The following TRIO variants were observed in gnomAD, a reference collection of about 807,000 sequenced individuals.
The protein encoded by TRIO is triple functional domain protein.
A neutral mutation model predicts 351.9 loss-of-function variants in TRIO; 58 were observed. The observed-to-expected ratio is 0.16, with a 90% confidence interval of 0.13 to 0.21. The LOEUF (loss-of-function observed/expected upper bound fraction) is 0.21, where lower values mean the gene tolerates loss of function less well. Ranked by LOEUF, TRIO falls within the 10% of genes least tolerant of loss-of-function variation. The pLI is 1.00. For synonymous variants in TRIO, 1,758 were observed against 1,595.7 expected (o/e 1.10, Z -2.42); for missense variants, 3,201 against 4,027.8 (o/e 0.79, Z 5.56).
At chr5:14,268,416 T>G (rs551166265) in intron 1 of TRIO, among the ~76,000 whole-genome samples, 54 of 152,312 alleles carry the variant, frequency 3.5e-4, no homozygotes, top group Non-Finnish European at 6.8e-4. Context: ...ATATCAGCAT[T>G]GGGATCAGGA....
chr5:14,346,082 A>G (rs916113250), intron 11 of TRIO, among the ~76,000 whole-genome samples: 2 of 152,378 alleles, frequency 1.3e-5, no homozygotes, highest in East Asian at 1.9e-4. Flanking sequence ...GAGTTTTGCC[A>G]GGACAGCTTA....
At chr5:14,330,618 T>A (rs895208636) in intron 9 of TRIO, among the ~76,000 whole-genome samples, 160 bp from the exon 10 acceptor site, 2 of 152,052 alleles carry the variant, frequency 1.3e-5, no homozygotes, top group Admixed American at 1.3e-4. Context: ...ATCGAGTGTG[T>A]TAAATTAGTA....
At chr5:14,396,467 T>C (rs1166175082) in intron 28 of TRIO, among the ~76,000 whole-genome samples, 2 of 90,942 alleles carry the variant, frequency 2.2e-5, no homozygotes, top group African/African-American at 9.0e-5. Context: ...TTTTTTTTTT[T>C]TTTTTTTTTT....
chr5:14,398,419 T>C (rs926284522), intron 29 of TRIO, among the ~76,000 whole-genome samples: 1 of 152,168 alleles, frequency 6.6e-6, no homozygotes, highest in Non-Finnish European at 1.5e-5. Flanking sequence ...AGCCTGGACC[T>C]GAGCAGAGTG....
intron 34 of TRIO, among the ~76,000 whole-genome samples, chr5:14,422,058 C>T (rs893550981): frequency 1.3e-5 from 2 of 152,190 alleles, no homozygotes; most frequent in African/African-American, 4.8e-5. Flanking sequence ...TGCCTCTGCC[C>T]GTCCACTCTC....
chr5:14,211,757 A>G (rs1791915237), intron 1 of TRIO, among the ~76,000 whole-genome samples: 1 of 152,072 alleles, frequency 6.6e-6, no homozygotes, highest in African/African-American at 2.4e-5. Flanking sequence ...ATCAAATAGT[A>G]CTATGAAGAG....
rs976162273 is a variant in TRIO, at chr5:14,286,600, C to T, written c.348-271C>T. On this transcript the variant is annotated intron_variant, in intron 3 of 56. Coordinates refer to ENST00000344204, the MANE Select transcript of TRIO (RefSeq NM_007118.4). This position sits in a 1 kb window ranked among gnomAD's most constrained non-coding sequence, Gnocchi z 4.4. ...AATGGGCATGGTGACCGTTGTTTTC[C>T]TGAAAAGAAGACGGGATGCAAAACC... Among the ~76,000 whole-genome samples the T allele has an allele frequency of 3.3e-5, 5 of 152,140 alleles. No homozygotes were observed. The highest frequency in any genetic ancestry group is 7.4e-5 in the Non-Finnish European group (5 of 68,022).
intron 34 of TRIO, among the ~76,000 whole-genome samples, chr5:14,446,421 G>C (rs1752444989): frequency 6.6e-6 from 1 of 152,124 alleles, no homozygotes; most frequent in South Asian, 2.1e-4. Flanking sequence ...AAAAAAGTGG[G>C]AGACAGCTCT....
At chr5:14,323,527 G>GAA (rs1740086689) in intron 9 of TRIO, among the ~76,000 whole-genome samples, 1 of 47,052 alleles carries the variant, frequency 2.1e-5, no homozygotes, top group Non-Finnish European at 4.0e-5. Flanking sequence ...AACAGAGAGA[G>GAA]AGAGGAGTTT....
At chr5:14,308,214 A>G (rs900530136) in intron 8 of TRIO, among the ~76,000 whole-genome samples, 1 of 152,102 alleles carries the variant, frequency 6.6e-6, no homozygotes, top group Non-Finnish European at 1.5e-5. Flanking sequence ...AAACATATGA[A>G]TGCCATCCAT....
At chr5:14,199,191 G>A (rs1790944269) in intron 1 of TRIO, among the ~76,000 whole-genome samples, 1 of 27,608 alleles carries the variant, frequency 3.6e-5, no homozygotes, top group Admixed American at 6.0e-4. Context: ...AACAGAGTGG[G>A]ACTCAAAAAA....
intron 33 of TRIO, among the ~76,000 whole-genome samples, chr5:14,416,732 C>G (rs1749675029): frequency 6.6e-6 from 1 of 152,198 alleles, no homozygotes; most frequent in South Asian, 2.1e-4. Context: ...TCGGCAGCCC[C>G]TCTCTCCCCT....
intron 53 of TRIO, among the ~76,000 whole-genome samples, chr5:14,501,107 TAAA>T (rs919448753): frequency 6.6e-6 from 1 of 151,722 alleles, no homozygotes; most frequent in Non-Finnish European, 1.5e-5. Context: ...CCCTTTCAGT[TAAA>T]AAAAGAAGAA....
intron 30 of TRIO, 115 bp downstream of exon 30, chr5:14,399,185 G>A (rs1029379738): frequency 4.7e-5 from 47 of 1,004,326 alleles, no homozygotes; most frequent in Non-Finnish European, 7.0e-5. Flanking sequence ...GTCCTGAAAT[G>A]TTCAAGTCTG....
chr5:14,244,536 G>T (rs1285382819), intron 1 of TRIO, among the ~76,000 whole-genome samples: 1 of 152,174 alleles, frequency 6.6e-6, no homozygotes, highest in East Asian at 1.9e-4. Context: ...TTTTTCTGTA[G>T]AATTGTTATC....
At chr5:14,360,036 C>G (rs557173453) in intron 13 of TRIO, among the ~76,000 whole-genome samples, 1 of 151,712 alleles carries the variant, frequency 6.6e-6, no homozygotes, top group African/African-American at 2.4e-5. Flanking sequence ...TACCTTTTCT[C>G]TTCCTTGCTT....
At chr5:14,269,081 G>A (rs915062139) in intron 1 of TRIO, among the ~76,000 whole-genome samples, 24 of 152,204 alleles carry the variant, frequency 1.6e-4, no homozygotes, top group African/African-American at 5.5e-4. Flanking sequence ...AAATGGCCTG[G>A]TGCTGTGGAG....
intron 6 of TRIO, among the ~76,000 whole-genome samples, chr5:14,296,414 T>TA (rs1327162146): frequency 2.6e-5 from 4 of 152,232 alleles, no homozygotes; most frequent in African/African-American, 9.6e-5. Flanking sequence ...GGTGGGTTTT[T>TA]AAAATCCCTA....
chr5:14,193,074 G>A (rs1472457428), intron 1 of TRIO, among the ~76,000 whole-genome samples: 1 of 152,200 alleles, frequency 6.6e-6, no homozygotes, highest in Non-Finnish European at 1.5e-5. Context: ...CTGTAATTAT[G>A]AGAGTTCAGA....
Sources: allele counts gnomAD v4.1 joint callset (sites outside exome capture counted in the v4.1 genomes callset), GRCh38; gene constraint gnomAD v4.1.1; non-coding constraint Gnocchi (gnomAD v3.1); transcripts MANE v1.5; gene names NCBI Gene and HGNC (gene_info 2026-07-23, HGNC 2026-07-21).